MOXD1: variants seen among roughly 807,000 people sequenced by gnomAD.
The protein encoded by MOXD1 is DBH-like monooxygenase protein 1.
MOXD1 carries 62 observed loss-of-function variants against 66.6 expected under a neutral mutation model. That is an observed-to-expected ratio of 0.93 (90% CI 0.76 to 1.15). The LOEUF (loss-of-function observed/expected upper bound fraction) is 1.15. Ranked by LOEUF, MOXD1 falls within the 50% of genes most tolerant of loss-of-function variation. MOXD1 has a pLI of 0.00. For missense variants in MOXD1, 847 were observed against 754.6 expected (o/e 1.12, Z -1.44); for synonymous variants, 303 against 281.9 (o/e 1.07, Z -0.75).
intron 10 of MOXD1, 105 bp downstream of exon 10, chr6:132,315,530 C>T (rs1774925371): frequency 1.6e-6 from 2 of 1,269,466 alleles, no homozygotes; most frequent in Middle Eastern, 2.0e-4. Context: ...ATAGAACAAA[C>T]AGTGCATAAA....
intron 4 of MOXD1, among the ~76,000 whole-genome samples, chr6:132,340,445 T>C (rs1057394882): frequency 7.4e-5 from 10 of 134,830 alleles, no homozygotes; most frequent in South Asian, 2.2e-4. Flanking sequence ...CACTTTCTTT[T>C]TTTTTTTTTT....
At chr6:132,331,657 T>C (rs1280024173) in intron 4 of MOXD1, among the ~76,000 whole-genome samples, 3 of 152,126 alleles carry the variant, frequency 2.0e-5, no homozygotes, top group Non-Finnish European at 2.9e-5. Flanking sequence ...TTACAACAAA[T>C]CTATAAGAAA....
At chr6:132,341,953 T>G (rs1775571732) in intron 4 of MOXD1, among the ~76,000 whole-genome samples, 1 of 152,206 alleles carries the variant, frequency 6.6e-6, no homozygotes, top group African/African-American at 2.4e-5. Context: ...GCAAATTACT[T>G]AACCTTACTG....
At chr6:132,332,263 C>A (rs1205933376) in intron 4 of MOXD1, among the ~76,000 whole-genome samples, 1 of 151,996 alleles carries the variant, frequency 6.6e-6, no homozygotes, top group Non-Finnish European at 1.5e-5. Context: ...AGCAAAAACA[C>A]CAACCCATAA....
chr6:132,351,896 T>C (rs939929977), intron 4 of MOXD1, among the ~76,000 whole-genome samples: 7 of 152,212 alleles, frequency 4.6e-5, no homozygotes, highest in African/African-American at 1.4e-4. Context: ...CCATCTCTTC[T>C]AGGTTTTCTA....
chr6:132,340,809 G>A (rs921591046), intron 4 of MOXD1, among the ~76,000 whole-genome samples: 2 of 151,900 alleles, frequency 1.3e-5, no homozygotes, highest in Non-Finnish European at 2.9e-5. Flanking sequence ...ACCGCGCCCG[G>A]CTAATTTTTT....
chr6:132,353,604 C>G (rs1775848626), intron 4 of MOXD1, among the ~76,000 whole-genome samples: 1 of 152,122 alleles, frequency 6.6e-6, no homozygotes. Context: ...TTCTTTCCTT[C>G]ATCTTAACTT....
intron 10 of MOXD1, among the ~76,000 whole-genome samples, chr6:132,313,030 AATG>A (rs1394398667): frequency 6.8e-6 from 1 of 147,700 alleles, no homozygotes; most frequent in African/African-American, 2.6e-5. Context: ...GTGTTTTTAA[AATG>A]ATATTTTATG....
intron 1 of MOXD1, among the ~76,000 whole-genome samples, chr6:132,377,987 G>A (rs187663395): frequency 1.6e-4 from 24 of 152,150 alleles, no homozygotes; most frequent in East Asian, 1.5e-3. Context: ...AACTAGCCGC[G>A]CGTGGTGGCA....
At chr6:132,369,207 A>T (rs1776211777) in intron 4 of MOXD1, among the ~76,000 whole-genome samples, 1 of 152,062 alleles carries the variant, frequency 6.6e-6, no homozygotes, top group African/African-American at 2.4e-5. Context: ...GGTGTCACTC[A>T]TTTCAGGCAA....
chr6:132,315,104 G>C (rs1774912057), intron 10 of MOXD1, among the ~76,000 whole-genome samples: 1 of 152,174 alleles, frequency 6.6e-6, no homozygotes, highest in African/African-American at 2.4e-5. Context: ...CTGAACAACT[G>C]CTTTCCATCT....
intron 10 of MOXD1, among the ~76,000 whole-genome samples, chr6:132,307,130 C>A (rs538109486): frequency 2.6e-5 from 4 of 151,948 alleles, no homozygotes; most frequent in Non-Finnish European, 5.9e-5. Flanking sequence ...ACGCATCTCA[C>A]GTGCAGAGAC....
At chr6:132,377,132 T>C (rs1776406731) in intron 1 of MOXD1, among the ~76,000 whole-genome samples, 1 of 152,232 alleles carries the variant, frequency 6.6e-6, no homozygotes, top group Non-Finnish European at 1.5e-5. Flanking sequence ...ATGTCAGTTT[T>C]TCACATAAAA....
At chr6:132,335,057 G>C (rs1775409197) in intron 4 of MOXD1, among the ~76,000 whole-genome samples, 1 of 151,962 alleles carries the variant, frequency 6.6e-6, no homozygotes, top group South Asian at 2.1e-4. Flanking sequence ...AAAATCTTAG[G>C]GGAAATGTAT....
chr6:132,388,273 C>A lies in MOXD1; in HGVS notation c.264+12890G>T, dbSNP rs568207567. On this transcript the variant is annotated intron_variant, in intron 1 of 11. Coordinates refer to ENST00000367963, the MANE Select transcript of MOXD1 (RefSeq NM_015529.4). ...CATTTAATCCTCACAAAAGCCCATG[C>A]ATTAAATATGATCTCCCTTCTTCAC... Among the ~76,000 whole-genome samples, 2 of 151,468 alleles carry A rather than the reference C, an allele frequency of 1.3e-5. 1 individual carries two copies. Among genetic ancestry groups the A allele is most frequent in the Middle Eastern group, 6.8e-3 (2 of 294 alleles).
chr6:132,335,228 A>C (rs1207707960), intron 4 of MOXD1, among the ~76,000 whole-genome samples: 2 of 151,582 alleles, frequency 1.3e-5, no homozygotes, highest in Non-Finnish European at 2.9e-5. Context: ...ATGGTTTTGG[A>C]GGCTTCAAAT....
chr6:132,390,944 C>T (rs1354154559), intron 1 of MOXD1: 2 of 151,598 alleles, frequency 1.3e-5, no homozygotes, highest in Admixed American at 6.6e-5. Context: ...TCTGATTATA[C>T]ATGTTCTTTC....
chr6:132,385,497 TA>T (rs879813253), intron 1 of MOXD1, among the ~76,000 whole-genome samples: 6,160 of 134,214 alleles, frequency 0.046, 540 homozygotes, highest in East Asian at 0.38. Context: ...TTATTATTAT[TA>T]TTAGAGACAC....
At chr6:132,329,009 C>T (rs1221727791) in intron 4 of MOXD1, among the ~76,000 whole-genome samples, 5 of 152,058 alleles carry the variant, frequency 3.3e-5, no homozygotes, top group Admixed American at 3.3e-4. Flanking sequence ...TACATGTGCA[C>T]AACGTGGAGG....
Sources: gnomAD v4.1 joint callset for allele counts (sites outside exome capture counted in the v4.1 genomes callset) on GRCh38, gnomAD v4.1.1 for gene constraint, MANE v1.5 for transcripts, NCBI Gene and HGNC (gene_info 2026-07-23, HGNC 2026-07-21) for gene names.